CNTN5: variants seen among roughly 807,000 people sequenced by gnomAD.
CNTN5 encodes the protein contactin-5.
In CNTN5, 77 loss-of-function variants were observed where a neutral mutation model predicts 129.1. That is an observed-to-expected ratio of 0.60 (90% CI 0.50 to 0.72). CNTN5 has a LOEUF of 0.72. Ranked by LOEUF, CNTN5 falls within the 30% of genes least tolerant of loss-of-function variation. CNTN5 has a pLI of 0.00. For missense variants in CNTN5, 1,478 were observed against 1,328.8 expected, an observed-to-expected ratio of 1.11 and a Z score of -1.75; for synonymous variants, 509 against 465.6, an observed-to-expected ratio of 1.09 and a Z score of -1.20.
intron 9 of CNTN5, among the ~76,000 whole-genome samples, chr11:100,039,909 T>G (rs1193965492): frequency 6.6e-6 from 1 of 152,166 alleles, no homozygotes; most frequent in East Asian, 1.9e-4. Context: ...TTGCCATTGG[T>G]TCGAATTTCC....
At chr11:99,465,556 C>T (rs1323494725) in intron 2 of CNTN5, among the ~76,000 whole-genome samples, 2 of 151,756 alleles carry the variant, frequency 1.3e-5, no homozygotes, top group Admixed American at 1.3e-4. Flanking sequence ...GTGTTCAGTG[C>T]TACACACCAG....
chr11:100,078,766 A>C (rs1944245065), intron 13 of CNTN5, among the ~76,000 whole-genome samples: 2 of 152,158 alleles, frequency 1.3e-5, no homozygotes, highest in African/African-American at 2.4e-5. Context: ...TACTCAGTGA[A>C]TGTTATGTAT....
chr11:99,934,797 C>T (rs1693677535), intron 7 of CNTN5, among the ~76,000 whole-genome samples: 1 of 150,904 alleles, frequency 6.6e-6, no homozygotes, highest in Admixed American at 6.6e-5. Context: ...ATCCCTTGAA[C>T]ATGGGAGGCA....
intron 6 of CNTN5, among the ~76,000 whole-genome samples, chr11:99,875,446 T>C (rs1948608244): frequency 6.6e-6 from 1 of 152,164 alleles, no homozygotes; most frequent in Admixed American, 6.6e-5. Flanking sequence ...TTTGCTTTTT[T>C]TCTATATGCT....
At chr11:99,107,688 C>A (rs1234401697) in intron 1 of CNTN5, among the ~76,000 whole-genome samples, 1 of 151,852 alleles carries the variant, frequency 6.6e-6, no homozygotes, top group Non-Finnish European at 1.5e-5. Flanking sequence ...TCTCAGCACT[C>A]TGGGAGGCTG....
At chr11:99,869,404 A>G (rs1480793334) in intron 6 of CNTN5, among the ~76,000 whole-genome samples, 2 of 152,158 alleles carry the variant, frequency 1.3e-5, no homozygotes, top group Non-Finnish European at 2.9e-5. Flanking sequence ...ATAAAATTTA[A>G]CATTTTGAAT....
chr11:99,290,823 C>T (rs1166172936), intron 1 of CNTN5, among the ~76,000 whole-genome samples: 2 of 151,706 alleles, frequency 1.3e-5, no homozygotes, highest in Non-Finnish European at 1.5e-5. Flanking sequence ...GATGAAATGT[C>T]GGTTTGGTGA....
chr11:99,731,981 A>G (rs1451788654), intron 3 of CNTN5, among the ~76,000 whole-genome samples: 1 of 152,208 alleles, frequency 6.6e-6, no homozygotes, highest in Non-Finnish European at 1.5e-5. Context: ...AATGTATATA[A>G]ATGCCCATTT....
chr11:99,849,373 A>G (rs1213176311), intron 6 of CNTN5, among the ~76,000 whole-genome samples: 1 of 151,966 alleles, frequency 6.6e-6, no homozygotes, highest in Non-Finnish European at 1.5e-5. Flanking sequence ...ATTAGTATAT[A>G]TATACACATA....
intron 18 of CNTN5, among the ~76,000 whole-genome samples, chr11:100,272,367 T>C (rs1265514509): frequency 2.0e-5 from 3 of 152,156 alleles, no homozygotes; most frequent in Non-Finnish European, 4.4e-5. Flanking sequence ...TGTATTATAG[T>C]TATAGAACTG....
chr11:99,407,803 A>C (rs978373765), intron 2 of CNTN5, among the ~76,000 whole-genome samples: 3 of 152,162 alleles, frequency 2.0e-5, no homozygotes, highest in Non-Finnish European at 4.4e-5. Flanking sequence ...ATGGGCAGGC[A>C]TCAGGGGAGT....
chr11:99,935,047 G>C (rs1950284535), intron 7 of CNTN5, among the ~76,000 whole-genome samples: 1 of 149,560 alleles, frequency 6.7e-6, no homozygotes, highest in South Asian at 2.1e-4. Flanking sequence ...TACATCTCCA[G>C]CATATATCTT....
intron 1 of CNTN5, among the ~76,000 whole-genome samples, chr11:99,150,914 G>C (rs11218561): frequency 0.19 from 28,662 of 151,926 alleles, 3,698 homozygotes; most frequent in East Asian, 0.68. Flanking sequence ...GTTTTGAAAG[G>C]TCTTAAGTAA....
At chr11:100,176,455 T>G (rs1470327959) in intron 13 of CNTN5, among the ~76,000 whole-genome samples, 3 of 152,132 alleles carry the variant, frequency 2.0e-5, no homozygotes, top group Admixed American at 2.0e-4. Context: ...ATGTTGGCCC[T>G]TAAAAATGTT....
chr11:99,143,261 T>C (rs777653646), intron 1 of CNTN5, among the ~76,000 whole-genome samples: 5 of 149,852 alleles, frequency 3.3e-5, no homozygotes, highest in Non-Finnish European at 7.4e-5. Flanking sequence ...ATCTTAGAAA[T>C]GTAATTTAAA....
intron 1 of CNTN5, among the ~76,000 whole-genome samples, chr11:99,288,586 T>C (rs1864040249): frequency 6.6e-6 from 1 of 151,892 alleles, no homozygotes; most frequent in Non-Finnish European, 1.5e-5. Flanking sequence ...TTAATCACCA[T>C]GGATGATGAC....
chr11:100,343,028 A>G (rs1302813318), intron 23 of CNTN5, among the ~76,000 whole-genome samples: 1 of 152,196 alleles, frequency 6.6e-6, no homozygotes, highest in East Asian at 1.9e-4. Context: ...GGCATATAAA[A>G]TGTTCTCATT....
chr11:99,493,770 A>G (rs1946124432), intron 2 of CNTN5, among the ~76,000 whole-genome samples: 1 of 152,136 alleles, frequency 6.6e-6, no homozygotes, highest in Non-Finnish European at 1.5e-5. Context: ...TGGTCCATGT[A>G]TTTTTTAACA....
At chr11:99,619,942 C>T (rs993408110) in intron 3 of CNTN5, among the ~76,000 whole-genome samples, 11 of 148,260 alleles carry the variant, frequency 7.4e-5, no homozygotes, top group African/African-American at 2.5e-4. Context: ...AGGAGAATGG[C>T]GTGAACCCGG....
Sources: allele counts gnomAD v4.1 joint callset (sites outside exome capture counted in the v4.1 genomes callset), GRCh38; gene constraint gnomAD v4.1.1; transcripts MANE v1.5; gene names NCBI Gene and HGNC (gene_info 2026-07-23, HGNC 2026-07-21).